Variants in ZDHHC14 observed in about 807,000 individuals in gnomAD.
ZDHHC14 encodes zDHHC palmitoyltransferase 14.
Under a neutral mutation model 47.7 loss-of-function variants are expected in ZDHHC14, and 16 were observed. That is an observed-to-expected ratio of 0.34 (90% confidence interval 0.23 to 0.51). The LOEUF (loss-of-function observed/expected upper bound fraction) is 0.51. Among genes scored for constraint, ZDHHC14 ranks in the 20% least tolerant of loss-of-function variants. The pLI is 0.97. For synonymous variants in ZDHHC14, 293 were observed against 278.9 expected, an observed-to-expected ratio of 1.05 and a Z score of -0.50; for missense variants, 515 against 662.5, an observed-to-expected ratio of 0.78 and a Z score of 2.44.
chr6:157,668,374 A>G (rs968491027), intron 8 of ZDHHC14, among the ~76,000 whole-genome samples: 7 of 152,130 alleles, frequency 4.6e-5, no homozygotes, highest in African/African-American at 1.7e-4. Flanking sequence ...TGACTTCTAT[A>G]TAGATTTTTT....
chr6:157,598,602 C>G (rs987342347), intron 3 of ZDHHC14, among the ~76,000 whole-genome samples: 1 of 152,076 alleles, frequency 6.6e-6, no homozygotes, highest in Non-Finnish European at 1.5e-5. Flanking sequence ...ATTAAATTAC[C>G]AACATTTATG....
At chr6:157,471,449 C>T (rs1021804548) in intron 1 of ZDHHC14, among the ~76,000 whole-genome samples, 3 of 152,224 alleles carry the variant, frequency 2.0e-5, no homozygotes, top group African/African-American at 7.2e-5. Flanking sequence ...CCAGAACCCC[C>T]GAGGAAAGGA....
chr6:157,491,488 G>A (rs1314142184), intron 1 of ZDHHC14, among the ~76,000 whole-genome samples: 1 of 152,216 alleles, frequency 6.6e-6, no homozygotes, highest in Non-Finnish European at 1.5e-5. Flanking sequence ...TGAAAAGAAA[G>A]GAGATGAATT....
chr6:157,673,278 G>T lies in ZDHHC14; in HGVS notation c.*156G>T. On this transcript the variant is annotated 3_prime_UTR_variant, in exon 9 of 9. Coordinates refer to ENST00000359775, the MANE Select transcript of ZDHHC14 (RefSeq NM_024630.3). This position sits in a 1 kb window ranked among gnomAD's most constrained non-coding sequence, Gnocchi z 5.4. The stretch of plus-strand genomic sequence containing the variant: ...CAGAGACCACTTAGGATGGCACAGG[G>T]TGGCTGGCCCCGGATGCTGAGAGCT... 9.9e-7 allele frequency: 1 copy of T among 1,010,364 alleles called. No individual in the cohort carries two copies. Among genetic ancestry groups the T allele is most frequent in the East Asian group, 3.1e-5 (1 of 32,204 alleles). 62.6% of individuals were successfully genotyped at this position (1,010,364 alleles called of 1,614,324 possible). A position where few individuals can be genotyped will look rare whatever the true frequency, so the allele number is the denominator to read the frequency against.
chr6:157,414,351 C>G (rs1040933636), intron 1 of ZDHHC14, among the ~76,000 whole-genome samples: 6 of 152,178 alleles, frequency 3.9e-5, no homozygotes, highest in African/African-American at 1.4e-4. Flanking sequence ...AAGCTTCCGC[C>G]CATCCCCCAG....
chr6:157,585,381 C>T (rs2017981), intron 2 of ZDHHC14, among the ~76,000 whole-genome samples: 86,211 of 148,606 alleles, frequency 0.58, 26,406 homozygotes, highest in African/African-American at 0.79. Flanking sequence ...AGAGGCACAA[C>T]TGTTACCAAC....
intron 3 of ZDHHC14, among the ~76,000 whole-genome samples, chr6:157,597,752 C>T (rs928310313): frequency 3.3e-5 from 5 of 152,226 alleles, no homozygotes; most frequent in African/African-American, 9.6e-5. Context: ...TACATGGAGC[C>T]CTCAGGCCAT....
intron 1 of ZDHHC14, among the ~76,000 whole-genome samples, chr6:157,515,179 C>T (rs1447783196): frequency 1.3e-5 from 2 of 152,194 alleles, no homozygotes; most frequent in Admixed American, 6.5e-5. Flanking sequence ...CCAGCCACGG[C>T]GAGTACTAAT....
At chr6:157,531,079 C>T (rs1446995284) in intron 1 of ZDHHC14, among the ~76,000 whole-genome samples, 1 of 152,068 alleles carries the variant, frequency 6.6e-6, no homozygotes, top group African/African-American at 2.4e-5. Context: ...GGGGTCTGCT[C>T]AGGTCCCTCT....
At chr6:157,472,317 G>T (rs1304195241) in intron 1 of ZDHHC14, among the ~76,000 whole-genome samples, 1 of 152,138 alleles carries the variant, frequency 6.6e-6, no homozygotes, top group Non-Finnish European at 1.5e-5. Context: ...ACCTGGGCAT[G>T]TAGAGCCGTG....
chr6:157,594,201 C>A (rs143025520), intron 3 of ZDHHC14, among the ~76,000 whole-genome samples: 1 of 152,216 alleles, frequency 6.6e-6, no homozygotes, highest in African/African-American at 2.4e-5. Flanking sequence ...AAGCAGTCTT[C>A]CGTTTGTCTT....
Position 157,444,691 on chromosome 6 carries a change from G to A in ZDHHC14, c.245+62425G>A, listed in dbSNP as rs563504560. On this transcript the variant is annotated intron_variant, in intron 1 of 8. Transcript: ENST00000359775. ...AGACTCCGTCAAAAAAAAAAAAAAAGGGATATACTTTGCCCCTACATCCAG... is the reference window on the plus strand; with the variant it reads ...AGACTCCGTCAAAAAAAAAAAAAAAAGGATATACTTTGCCCCTACATCCAG... Among the ~76,000 whole-genome samples the A allele has an allele frequency of 2.3e-3, 344 of 150,276 alleles. 3 individuals carry two copies. The highest frequency in any genetic ancestry group is 7.9e-3 in the African/African-American group (319 of 40,478).
chr6:157,544,978 G>A (rs752406467), intron 2 of ZDHHC14, among the ~76,000 whole-genome samples: 7 of 152,186 alleles, frequency 4.6e-5, no homozygotes, highest in Non-Finnish European at 7.3e-5. Flanking sequence ...ATGAACTGAT[G>A]ATCCATATGT....
At chr6:157,418,538 C>G (rs1778031992) in intron 1 of ZDHHC14, among the ~76,000 whole-genome samples, 1 of 152,088 alleles carries the variant, frequency 6.6e-6, no homozygotes, top group African/African-American at 2.4e-5. Context: ...ATGTCCAAAG[C>G]AGTGGGGAAA....
At chr6:157,526,693 C>T (rs1453572129) in intron 1 of ZDHHC14, among the ~76,000 whole-genome samples, 2 of 152,188 alleles carry the variant, frequency 1.3e-5, no homozygotes, top group African/African-American at 2.4e-5. Context: ...CATGGCCCTA[C>T]GTCTGTGCTA....
At chr6:157,442,538 C>T (rs1197889621) in intron 1 of ZDHHC14, among the ~76,000 whole-genome samples, 1 of 152,240 alleles carries the variant, frequency 6.6e-6, no homozygotes, top group Non-Finnish European at 1.5e-5. Context: ...GCCCCGCTCT[C>T]CCAGTGTGCC....
At chr6:157,611,736 C>T (rs1017238181) in intron 3 of ZDHHC14, among the ~76,000 whole-genome samples, 2 of 152,184 alleles carry the variant, frequency 1.3e-5, no homozygotes, top group African/African-American at 4.8e-5. Flanking sequence ...CTTCCATACC[C>T]AGAAAAGCCA....
At chr6:157,390,061 T>C (rs780011951) in intron 1 of ZDHHC14, among the ~76,000 whole-genome samples, 1 of 152,196 alleles carries the variant, frequency 6.6e-6, no homozygotes, top group Non-Finnish European at 1.5e-5. Context: ...CTTAAATTAT[T>C]ATCAGCATTT....
intron 8 of ZDHHC14, among the ~76,000 whole-genome samples, chr6:157,670,245 G>A (rs907864282): frequency 3.3e-5 from 5 of 152,318 alleles, no homozygotes; most frequent in Admixed American, 2.6e-4. Context: ...GTGGTGATGA[G>A]TGGAAAGGAT....
Sources: allele counts gnomAD v4.1 joint callset (sites outside exome capture counted in the v4.1 genomes callset), GRCh38; gene constraint gnomAD v4.1.1; non-coding constraint Gnocchi (gnomAD v3.1); transcripts MANE v1.5; gene names NCBI Gene and HGNC (gene_info 2026-07-23, HGNC 2026-07-21).